The following COLQ variants were observed in gnomAD, a reference collection of about 807,000 sequenced individuals.
The protein encoded by COLQ is collagen like tail subunit of asymmetric acetylcholinesterase.
Under a neutral mutation model 69.0 loss-of-function variants are expected in COLQ, and 48 were observed. The ratio of observed to expected loss-of-function variants is 0.70; its 90% CI spans 0.55 to 0.88. The LOEUF (loss-of-function observed/expected upper bound fraction) is 0.88. Ranked by LOEUF, COLQ falls within the 40% of genes least tolerant of loss-of-function variation. The probability of loss-of-function intolerance (pLI) is 0.00; values close to 1 mark genes in which losing one functional copy is unlikely to be tolerated. For missense variants in COLQ, 618 were observed against 594.6 expected, an observed-to-expected ratio of 1.04 and a Z score of -0.41; for synonymous variants, 217 against 211.2, an observed-to-expected ratio of 1.03 and a Z score of -0.24.
At chr3:15,508,731 T>C (rs989194598) in intron 1 of COLQ, among the ~76,000 whole-genome samples, 6 of 152,156 alleles carry the variant, frequency 3.9e-5, no homozygotes, top group Non-Finnish European at 8.8e-5. Context: ...AACAGTCTGA[T>C]GTTACACCTT....
intron 1 of COLQ, among the ~76,000 whole-genome samples, chr3:15,511,010 AATGCTC>A (rs2062978496): frequency 6.6e-6 from 1 of 152,202 alleles, no homozygotes; most frequent in South Asian, 2.1e-4. Flanking sequence ...TCTCAGTGCC[AATGCTC>A]AGAAGAGAAA....
At chr3:15,513,030 G>A (rs573426841) in intron 1 of COLQ, among the ~76,000 whole-genome samples, 1 of 152,196 alleles carries the variant, frequency 6.6e-6, no homozygotes, top group Non-Finnish European at 1.5e-5. Context: ...GCACCTCTAT[G>A]AATGTTCCTT....
intron 3 of COLQ, 96 bp from the exon 4 acceptor site, chr3:15,479,478 A>G (rs1346883890): frequency 8.2e-7 from 1 of 1,219,934 alleles, no homozygotes; most frequent in East Asian, 2.3e-5. Flanking sequence ...CAGCAGCAAC[A>G]TCATTCTCTG....
intron 1 of COLQ, among the ~76,000 whole-genome samples, chr3:15,520,425 T>C (rs569198930): frequency 1.6e-4 from 24 of 152,340 alleles, no homozygotes; most frequent in Admixed American, 1.5e-3. Context: ...GCTGTTTTTA[T>C]CAATGGACAG....
intron 3 of COLQ, among the ~76,000 whole-genome samples, chr3:15,486,415 T>C (rs911510404): frequency 6.6e-5 from 10 of 152,168 alleles, no homozygotes; most frequent in Non-Finnish European, 1.5e-4. Context: ...ATCCACATTG[T>C]GTTCTAAGGA....
chr3:15,468,629 C>T (rs991314220), intron 11 of COLQ, among the ~76,000 whole-genome samples: 1 of 152,088 alleles, frequency 6.6e-6, no homozygotes, highest in Non-Finnish European at 1.5e-5. Context: ...TCGCCACTCC[C>T]GGCTGAGAAG....
chr3:15,500,385 A>ACT (rs754226366), intron 1 of COLQ, among the ~76,000 whole-genome samples: 3 of 152,054 alleles, frequency 2.0e-5, no homozygotes, highest in Non-Finnish European at 2.9e-5. Flanking sequence ...CATTTTTCAA[A>ACT]TTTCATTTCG....
At chr3:15,479,126 G>A (rs1455136896) in intron 4 of COLQ, 123 bp from the exon 5 acceptor site, 12 of 1,293,882 alleles carry the variant, frequency 9.3e-6, no homozygotes, top group South Asian at 5.9e-5. Context: ...TGCTGCTCAC[G>A]GCCCCTCTGC....
At chr3:15,481,944 T>G (rs568220686) in intron 3 of COLQ, among the ~76,000 whole-genome samples, 120 of 152,252 alleles carry the variant, frequency 7.9e-4, no homozygotes, top group African/African-American at 2.4e-3. Context: ...CTTGTAAGTT[T>G]GATTCCTAGG....
In COLQ at chr3:15,453,815, G is replaced by A. The variant is rs2061984460; in HGVS notation, c.1298+14C>T. 6.5e-7 allele frequency: 1 copy of A among 1,537,334 alleles called. No individual in the cohort carries two copies. Reference sequence around the variant, plus strand: ...GAAAGAAGGGGGAGAGGGAGGGAGGGGAGTCATCCCTACCCAGGGAGATAG... The same window carrying A: ...GAAAGAAGGGGGAGAGGGAGGGAGGAGAGTCATCCCTACCCAGGGAGATAG... On this transcript the variant is annotated intron_variant, in intron 16 of 16. Transcript: ENST00000383788.
At chr3:15,485,060 T>C (rs1269654207) in intron 3 of COLQ, among the ~76,000 whole-genome samples, 1 of 152,342 alleles carries the variant, frequency 6.6e-6, no homozygotes. Context: ...ATGATGGTGA[T>C]GTACAGATGG....
chr3:15,508,430 G>T (rs1326921128), intron 1 of COLQ, among the ~76,000 whole-genome samples: 2 of 152,194 alleles, frequency 1.3e-5, no homozygotes, highest in Non-Finnish European at 2.9e-5. Flanking sequence ...TAGATGGGTT[G>T]TCTCCCTGTC....
intron 12 of COLQ, among the ~76,000 whole-genome samples, chr3:15,461,832 T>C (rs1222998504): frequency 1.3e-5 from 2 of 152,026 alleles, no homozygotes; most frequent in African/African-American, 2.4e-5. Flanking sequence ...TCTGGAACCC[T>C]GGGAAACAGG....
In COLQ at chr3:15,479,233, T is replaced by C. The variant is rs1035149683; in HGVS notation, c.366+105A>G. On this transcript the variant is annotated intron_variant, in intron 4 of 16. Coordinates refer to ENST00000383788, the MANE Select transcript of COLQ (RefSeq NM_005677.4). ...ACCCAGCCTCTCACCAAGGCAGAGT[T>C]AGCACATGTTTGGAAATCTCAACTA... The C allele has an allele frequency of 8.5e-6, 11 of 1,290,560 alleles. No individual in the cohort carries two copies. The African/African-American group carries it at 1.5e-4, about 17-fold the overall frequency. 79.9% of individuals were successfully genotyped at this position (1,290,560 alleles called of 1,614,324 possible).
chr3:15,484,627 T>G (rs569903228), intron 3 of COLQ, among the ~76,000 whole-genome samples: 2 of 152,256 alleles, frequency 1.3e-5, no homozygotes, highest in South Asian at 4.1e-4. Flanking sequence ...TCTTACTCTT[T>G]TTTCTCTAAA....
chr3:15,456,619 T>G, intron 13 of COLQ, 40 bp from the exon 14 acceptor site: 1 of 1,611,284 alleles, frequency 6.2e-7, no homozygotes, highest in Non-Finnish European at 8.5e-7. Flanking sequence ...AGAAAACACT[T>G]CTGCAGGGGG....
At chr3:15,456,685 G>A in intron 13 of COLQ, 106 bp from the exon 14 acceptor site, 1 of 1,475,034 alleles carries the variant, frequency 6.8e-7, no homozygotes, top group Non-Finnish European at 9.3e-7. Context: ...GCTCAACAGT[G>A]GGAAGAGGGG....
intron 12 of COLQ, among the ~76,000 whole-genome samples, chr3:15,462,927 T>C (rs2062142557): frequency 6.6e-6 from 1 of 151,060 alleles, no homozygotes; most frequent in South Asian, 2.1e-4. Context: ...CTCTGAAGGG[T>C]AGAGGGCAGG....
intron 1 of COLQ, among the ~76,000 whole-genome samples, chr3:15,502,113 A>ATTTTT (rs61521157): frequency 7.8e-6 from 1 of 128,564 alleles, no homozygotes; most frequent in Non-Finnish European, 1.6e-5. Context: ...ACTTGCACTG[A>ATTTTT]TTTTTTTTTT....
Sources: gnomAD v4.1 joint callset for allele counts (sites outside exome capture counted in the v4.1 genomes callset) on GRCh38, gnomAD v4.1.1 for gene constraint, MANE v1.5 for transcripts, NCBI Gene and HGNC (gene_info 2026-07-23, HGNC 2026-07-21) for gene names.